TCEA3: variants seen among roughly 807,000 people sequenced by gnomAD.
TCEA3 encodes transcription elongation factor A3.
A neutral mutation model predicts 44.0 loss-of-function variants in TCEA3; 36 were observed. The ratio of observed to expected loss-of-function variants is 0.82; its 90% CI spans 0.63 to 1.08. TCEA3 has a LOEUF of 1.08. Ranked by LOEUF, TCEA3 falls within the 50% of genes least tolerant of loss-of-function variation. The pLI is 0.00. For synonymous variants in TCEA3, 162 were observed against 159.7 expected (o/e 1.01, Z -0.11); for missense variants, 392 against 441.2 (o/e 0.89, Z 1.00).
rs936783529 is a variant in TCEA3, at chr1:23,393,982, C to T, written c.716G>A (p.Arg239His). Residue 239 changes from arginine (R) to histidine (H), a missense_variant, in exon 8 of 11, where the codon CGC (arginine) becomes CAC (histidine). By Grantham distance (29) the Arg-to-His change is conservative. Transcript: ENST00000450454. ...STDMKYRNRV[R>H]SRISNLKDPR... ...GTCCTTGAGGTTGCTTATGCGGCTG[C>T]GCACGCGGTTCCGGTACTTCATGTC... 7.4e-6 allele frequency: 12 copies of T among 1,614,008 alleles called. No individual in the cohort carries two copies. In the South Asian group the frequency reaches 8.8e-5, roughly 12 times the overall value.
At chr1:23,412,441 A>C (rs1216919625) in intron 4 of TCEA3, among the ~76,000 whole-genome samples, 4 of 150,388 alleles carry the variant, frequency 2.7e-5, no homozygotes, top group Non-Finnish European at 5.9e-5. Flanking sequence ...GGTGGCTCAC[A>C]CCTGTAATCC....
rs555682589 is a variant in TCEA3, at chr1:23,414,407, T to A, written c.380+2842A>T. 1.7e-4 allele frequency among the ~76,000 whole-genome samples: 25 copies of A among 150,804 alleles called. No individual in the cohort carries two copies. In the South Asian group the frequency reaches 5.0e-3, roughly 30 times the overall value. ...GCCTGGCCCTTATCTTTTGTTTTGT[T>A]TTGTTTTGTTTTTAAGACGGAGTCT... On this transcript the variant is annotated intron_variant, in intron 4 of 10. Coordinates refer to ENST00000450454, the MANE Select transcript of TCEA3 (RefSeq NM_003196.3).
chr1:23,406,101 G>A (rs938631651), intron 5 of TCEA3, among the ~76,000 whole-genome samples: 2 of 152,124 alleles, frequency 1.3e-5, no homozygotes, highest in African/African-American at 2.4e-5. Context: ...ACCATTTCTA[G>A]GCCTGACCCA....
At chr1:23,399,144 GTATATATA>G (rs60424866) in intron 5 of TCEA3, among the ~76,000 whole-genome samples, 1,984 of 61,172 alleles carry the variant, frequency 0.032, 79 homozygotes, top group African/African-American at 0.097. Flanking sequence ...ATGTATATAT[GTATATATA>G]TATATATATA....
At chr1:23,386,597 G>A (rs11581635) in intron 9 of TCEA3, among the ~76,000 whole-genome samples, 2,006 of 150,470 alleles carry the variant, frequency 0.013, 56 homozygotes, top group East Asian at 0.098. Context: ...TCCCTCTGTC[G>A]CCCAGGCTGG....
chr1:23,406,541 C>T (rs1223117315), intron 5 of TCEA3, among the ~76,000 whole-genome samples: 1 of 152,174 alleles, frequency 6.6e-6, no homozygotes, highest in Non-Finnish European at 1.5e-5. Flanking sequence ...ACTTCACACC[C>T]ACTCCTTTAT....
At chr1:23,398,363 CTCTA>C (rs1639282921) in intron 5 of TCEA3, among the ~76,000 whole-genome samples, 1 of 152,218 alleles carries the variant, frequency 6.6e-6, no homozygotes, top group South Asian at 2.1e-4. Flanking sequence ...GCTAGCTGCT[CTCTA>C]TCTATGCTCT....
chr1:23,397,913 AGGTGTTTTGGGGCTCTCC>A lies in TCEA3; in HGVS notation c.468_485del (p.Glu157_Pro162del), dbSNP rs1558040689. 7 of 1,613,678 alleles carry A rather than the reference AGGTGTTTTGGGGCTCTCC, an allele frequency of 4.3e-6. No individual in the cohort carries two copies. In the African/African-American group the frequency reaches 8.0e-5, roughly 18 times the overall value. ...CAAACGTGGGGGTCAAGGGGCTGCT[AGGTGTTTTGGGGCTCTCC>A]GCTTTTGATTTGCTGCTGTTTGATC... On this transcript the variant is annotated inframe_deletion, in exon 6 of 11. Transcript: ENST00000450454.
At chr1:23,396,502 G>C (rs1251792748) in intron 7 of TCEA3, among the ~76,000 whole-genome samples, 5 of 152,014 alleles carry the variant, frequency 3.3e-5, no homozygotes, top group African/African-American at 9.7e-5. Context: ...GTGAGAAGTT[G>C]GGGAGCAGGG....
intron 10 of TCEA3, among the ~76,000 whole-genome samples, chr1:23,382,576 G>A (rs544182676): frequency 8.5e-5 from 13 of 152,320 alleles, no homozygotes; most frequent in South Asian, 4.1e-4. Context: ...TGTTTGCTCC[G>A]TACCCTGGCA....
intron 10 of TCEA3, among the ~76,000 whole-genome samples, chr1:23,382,191 C>CA (rs2148539230): frequency 6.6e-6 from 1 of 152,170 alleles, no homozygotes; most frequent in South Asian, 2.1e-4. Context: ...GGATTACAGG[C>CA]ATGTGTCACC....
intron 5 of TCEA3, among the ~76,000 whole-genome samples, chr1:23,407,151 C>T (rs533266163): frequency 6.6e-6 from 1 of 152,332 alleles, no homozygotes; most frequent in South Asian, 2.1e-4. Context: ...AGTGAAAAAT[C>T]TTGGACTCAT....
chr1:23,399,157 T>TATATAC lies in TCEA3; in HGVS notation c.444-1203_444-1202insGTATAT, dbSNP rs1283447381. ...ATATGTATATATGTATATATATATATATATATATATATATATATATATCCA... is the reference window on the plus strand; with the variant it reads ...ATATGTATATATGTATATATATATATATATACATATATATATATATATATATATCCA... On this transcript the variant is annotated intron_variant, in intron 5 of 10. Coordinates refer to ENST00000450454, the MANE Select transcript of TCEA3 (RefSeq NM_003196.3). Among the ~76,000 whole-genome samples, 26 of 108,610 alleles carry TATATAC rather than the reference T, an allele frequency of 2.4e-4. 1 individual carries two copies. Among genetic ancestry groups the TATATAC allele is most frequent in the Admixed American group, 2.1e-3 (24 of 11,480 alleles). The allele number at this position is 108,610 out of a possible 152,430, so 71.3% of individuals were successfully genotyped here.
chr1:23,398,750 C>T (rs1335462980), intron 5 of TCEA3, among the ~76,000 whole-genome samples: 1 of 152,042 alleles, frequency 6.6e-6, no homozygotes, highest in Non-Finnish European at 1.5e-5. Flanking sequence ...AACATCTATG[C>T]TCTTTTTATT....
At chr1:23,385,246 C>T (rs1326684910) in intron 9 of TCEA3, among the ~76,000 whole-genome samples, 1 of 152,166 alleles carries the variant, frequency 6.6e-6, no homozygotes, top group Non-Finnish European at 1.5e-5. Context: ...CAATCAGCTA[C>T]GAATGATGTC....
chr1:23,419,665 C>CATCT (rs1640000393), intron 1 of TCEA3, among the ~76,000 whole-genome samples: 1 of 152,044 alleles, frequency 6.6e-6, no homozygotes, highest in Non-Finnish European at 1.5e-5. Flanking sequence ...GGTGAAGCCC[C>CATCT]ATCTCTATTA....
At chr1:23,384,179 C>T (rs1638752564) in intron 10 of TCEA3, 167 bp downstream of exon 10, 1 of 1,466,010 alleles carries the variant, frequency 6.8e-7, no homozygotes, top group East Asian at 2.4e-5. Context: ...TCTCTCCCCA[C>T]CTCCCCAACA....
chr1:23,406,729 C>T (rs577837326), intron 5 of TCEA3, among the ~76,000 whole-genome samples: 1 of 152,298 alleles, frequency 6.6e-6, no homozygotes, highest in South Asian at 2.1e-4. Context: ...TCATGGCAAC[C>T]TCCGCCTCCC....
At chr1:23,388,455 C>T (rs1638921297) in intron 8 of TCEA3, among the ~76,000 whole-genome samples, 1 of 152,162 alleles carries the variant, frequency 6.6e-6, no homozygotes, top group African/African-American at 2.4e-5. Context: ...CTCATCCTTC[C>T]AAAGTGCTGG....
Sources: gnomAD v4.1 joint callset for allele counts (sites outside exome capture counted in the v4.1 genomes callset) on GRCh38, gnomAD v4.1.1 for gene constraint, MANE v1.5 for transcripts, NCBI Gene and HGNC (gene_info 2026-07-23, HGNC 2026-07-21) for gene names.